The following ATP6V0D2 variants were observed in gnomAD, a reference collection of about 807,000 sequenced individuals.
ATP6V0D2 encodes V-type proton ATPase subunit d 2.
Under a neutral mutation model 40.0 loss-of-function variants are expected in ATP6V0D2, and 40 were observed. The ratio of observed to expected loss-of-function variants is 1.00; its 90% CI spans 0.78 to 1.30. The LOEUF (loss-of-function observed/expected upper bound fraction) is 1.30, where lower values mean the gene tolerates loss of function less well. Among genes scored for constraint, ATP6V0D2 ranks in the 50% most tolerant of loss-of-function variants. The pLI is 0.00. For synonymous variants in ATP6V0D2, 179 were observed against 156.3 expected, an observed-to-expected ratio of 1.15 and a Z score of -1.08; for missense variants, 470 against 423.1, an observed-to-expected ratio of 1.11 and a Z score of -0.97.
chr8:86,107,622 T>C (rs944040045), intron 1 of ATP6V0D2, among the ~76,000 whole-genome samples: 1 of 152,240 alleles, frequency 6.6e-6, no homozygotes, highest in African/African-American at 2.4e-5. Flanking sequence ...TTGTTTTTAA[T>C]CTGCCTAAAA....
At chr8:86,113,606 C>A in intron 1 of ATP6V0D2, 103 bp from the exon 2 acceptor site, 1 of 970,388 alleles carries the variant, frequency 1.0e-6, no homozygotes, top group Non-Finnish European at 1.5e-6. Context: ...TAAGATAATA[C>A]ATATGTATGT....
At position 86,152,857 on chromosome 8, in the gene ATP6V0D2, C is replaced by T. The variant is rs376070860; in HGVS notation, c.933C>T (p.Tyr311=). The part of the protein sequence containing the change: ...NVLAFNRQFH[Y]GVFYAYVKLK... ...TGGCATTCAACAGACAGTTCCACTA[C>T]GGTGTGTTTTATGCATATGTAAAGC... is the stretch of plus-strand genomic sequence containing the variant. The change falls in exon 8 of 8, where the codon TAC becomes TAT. Residue 311 remains tyrosine (Y), a synonymous_variant. Coordinates refer to ENST00000285393, the MANE Select transcript of ATP6V0D2 (RefSeq NM_152565.1). 107 of 1,609,810 alleles carry T rather than the reference C, an allele frequency of 6.6e-5. No individual in the cohort carries two copies. The highest frequency in any genetic ancestry group is 4.2e-4 in the Admixed American group (25 of 59,086).
chr8:86,151,472 A>T lies in ATP6V0D2; in HGVS notation c.823A>T (p.Lys275Ter). Residue 275 changes from lysine to a stop codon, truncating the protein, a stop_gained, in exon 7 of 8, where the codon AAA (lysine) becomes TAA (stop). Coordinates refer to ENST00000285393, the MANE Select transcript of ATP6V0D2 (RefSeq NM_152565.1). LOFTEE classifies it high-confidence loss of function. The stretch of plus-strand genomic sequence containing the variant: ...TAATGTCTTTGTTTTTAAGGTATAC[A>T]AACCTTTATTTGAAGCTGTAGGTGG... ...KNVADHYGVY[K>*]PLFEAVGGSG... The T allele has an allele frequency of 6.2e-7, 1 of 1,601,794 alleles. No individual in the cohort carries two copies. Among genetic ancestry groups the T allele is most frequent in the Middle Eastern group, 1.7e-4 (1 of 6,032 alleles).
At chr8:86,115,332 T>G (rs1367789745) in intron 2 of ATP6V0D2, among the ~76,000 whole-genome samples, 2 of 151,434 alleles carry the variant, frequency 1.3e-5, no homozygotes, top group African/African-American at 4.9e-5. Context: ...ATCCTTCTAT[T>G]CTTTCTTTGT....
At chr8:86,130,440 A>G (rs998389114) in intron 2 of ATP6V0D2, among the ~76,000 whole-genome samples, 3 of 152,226 alleles carry the variant, frequency 2.0e-5, no homozygotes, top group Non-Finnish European at 4.4e-5. Context: ...TTTTCTATGA[A>G]TCTAAAATTA....
chr8:86,119,469 T>G lies in ATP6V0D2; in HGVS notation c.302+5589T>G, dbSNP rs556764031. Among the ~76,000 whole-genome samples, 4 of 152,176 alleles carry G rather than the reference T, an allele frequency of 2.6e-5. No individual in the cohort carries two copies. In the South Asian group the frequency reaches 8.3e-4, roughly 32 times the overall value. The stretch of plus-strand genomic sequence containing the variant: ...GTCTCAAACTCCTGACCTCAAGTGA[T>G]CTACCCACCTCGGTCTCCCAAAGTG... On this transcript the variant is annotated intron_variant, in intron 2 of 7. Coordinates refer to ENST00000285393, the MANE Select transcript of ATP6V0D2 (RefSeq NM_152565.1).
chr8:86,113,724 T>G lies in ATP6V0D2; in HGVS notation c.146T>G (p.Leu49Arg), dbSNP rs188375080. ...CETLEDLKIHLQTTDYGNFLA... is the reference protein window; with the variant it reads ...CETLEDLKIHRQTTDYGNFLA... ...TTAATTTCAGACCTGAAAATTCATC[T>G]CCAGACTACTGATTATGGTAACTTT... The change falls in exon 2 of 8, where the codon CTC (leucine) becomes CGC (arginine). Residue 49 changes from leucine to arginine, a missense_variant. Coordinates refer to ENST00000285393, the MANE Select transcript of ATP6V0D2 (RefSeq NM_152565.1). The G allele has an allele frequency of 2.1e-4, 334 of 1,605,900 alleles. 4 individuals carry two copies. The East Asian group carries it at 6.9e-3, about 33-fold the overall frequency.
chr8:86,142,981 A>T, intron 5 of ATP6V0D2, 27 bp downstream of exon 5: 2 of 1,490,234 alleles, frequency 1.3e-6, no homozygotes, highest in Non-Finnish European at 1.9e-6. Flanking sequence ...GAATTTTGTT[A>T]TGCTAAATAA....
chr8:86,147,024 G>A (rs1415687291), intron 5 of ATP6V0D2, among the ~76,000 whole-genome samples: 1 of 151,402 alleles, frequency 6.6e-6, no homozygotes, highest in Admixed American at 6.6e-5. Flanking sequence ...AAAAGAAATT[G>A]ACTTATGTTC....
chr8:86,130,224 T>C (rs1160051067), intron 2 of ATP6V0D2, among the ~76,000 whole-genome samples: 1 of 152,098 alleles, frequency 6.6e-6, no homozygotes, highest in Non-Finnish European at 1.5e-5. Context: ...TTTTTTACCA[T>C]TTTCACTCTT....
chr8:86,141,405 T>C, intron 3 of ATP6V0D2, 45 bp from the exon 4 acceptor site: 1 of 1,463,530 alleles, frequency 6.8e-7, no homozygotes, highest in Non-Finnish European at 9.5e-7. Flanking sequence ...CAGCTTATAA[T>C]CTTGCTTAAG....
At chr8:86,121,692 G>A (rs558326356) in intron 2 of ATP6V0D2, among the ~76,000 whole-genome samples, 4 of 151,984 alleles carry the variant, frequency 2.6e-5, no homozygotes, top group Admixed American at 6.6e-5. Context: ...TGGTGGAAAG[G>A]TATCCCACAG....
chr8:86,101,834 C>T (rs1289660152), intron 1 of ATP6V0D2, among the ~76,000 whole-genome samples: 1 of 152,100 alleles, frequency 6.6e-6, no homozygotes, highest in Non-Finnish European at 1.5e-5. Flanking sequence ...GCTTTATTGT[C>T]ATTGTGTCTC....
intron 2 of ATP6V0D2, among the ~76,000 whole-genome samples, chr8:86,119,932 G>A (rs897276916): frequency 1.3e-5 from 2 of 152,162 alleles, no homozygotes; most frequent in South Asian, 2.1e-4. Context: ...GCATTCAGCA[G>A]TACTTTACAC....
chr8:86,137,749 G>T (rs1818917495), intron 2 of ATP6V0D2, among the ~76,000 whole-genome samples: 2 of 152,156 alleles, frequency 1.3e-5, no homozygotes, highest in Non-Finnish European at 2.9e-5. Flanking sequence ...TAATGTGAGG[G>T]TTCAGAGGAA....
intron 1 of ATP6V0D2, among the ~76,000 whole-genome samples, chr8:86,111,828 A>G (rs1006468871): frequency 1.3e-5 from 2 of 152,250 alleles, no homozygotes; most frequent in South Asian, 4.2e-4. Context: ...TCTTGCTCCT[A>G]TCTTTATGGA....
Position 86,126,256 on chromosome 8 carries a change from ATATATATC to A in ATP6V0D2, c.302+12378_302+12385del, listed in dbSNP as rs1200419178. Among the ~76,000 whole-genome samples the A allele has an allele frequency of 5.0e-4, 67 of 134,490 alleles. 3 individuals carry two copies. Among genetic ancestry groups the A allele is most frequent in the African/African-American group, 1.8e-3 (66 of 35,796 alleles). 88.2% of individuals were successfully genotyped at this position (134,490 alleles called of 152,430 possible). Reference sequence around the variant, plus strand: ...TCAGCCTATATATATATATATATATATATATATCTTTTTGTATATAGTATAAAGTTCAG... The same window carrying A: ...TCAGCCTATATATATATATATATATATTTTTGTATATAGTATAAAGTTCAG... On this transcript the variant is annotated intron_variant, in intron 2 of 7. Transcript: ENST00000285393.
At chr8:86,146,846 A>G (rs1819076296) in intron 5 of ATP6V0D2, among the ~76,000 whole-genome samples, 1 of 152,086 alleles carries the variant, frequency 6.6e-6, no homozygotes, top group Non-Finnish European at 1.5e-5. Flanking sequence ...CCTCCCTTTT[A>G]CTTTTGTAAC....
chr8:86,119,510 G>A (rs1586090874), intron 2 of ATP6V0D2, among the ~76,000 whole-genome samples: 1 of 151,988 alleles, frequency 6.6e-6, no homozygotes, highest in African/African-American at 2.4e-5. Context: ...ATTACAGGCA[G>A]GAGCCACTGC....
Sources: allele counts gnomAD v4.1 joint callset (sites outside exome capture counted in the v4.1 genomes callset), GRCh38; gene constraint gnomAD v4.1.1; transcripts MANE v1.5; gene names NCBI Gene and HGNC (gene_info 2026-07-23, HGNC 2026-07-21).